KCNC4: variants seen among roughly 807,000 people sequenced by gnomAD.
KCNC4 encodes the protein voltage-gated potassium channel KCNC4.
Under a neutral mutation model 42.8 loss-of-function variants are expected in KCNC4, and 23 were observed. The ratio of observed to expected loss-of-function variants is 0.54; its 90% CI spans 0.39 to 0.76. The LOEUF is 0.76. Among genes scored for constraint, KCNC4 ranks in the 30% least tolerant of loss-of-function variants. KCNC4 has a pLI of 0.00. For synonymous variants in KCNC4, 422 were observed against 393.5 expected, an observed-to-expected ratio of 1.07 and a Z score of -0.86; for missense variants, 751 against 898.2, an observed-to-expected ratio of 0.84 and a Z score of 2.10.
chr1:110,224,672 C>T (rs1213717168), intron 2 of KCNC4: 1 of 152,228 alleles, frequency 6.6e-6, no homozygotes, highest in Non-Finnish European at 1.5e-5. Context: ...TGGGAAAGGC[C>T]ATCCCAAGAA....
intron 1 of KCNC4, among the ~76,000 whole-genome samples, chr1:110,214,522 C>A (rs2100987807): frequency 6.6e-6 from 1 of 152,310 alleles, no homozygotes; most frequent in Middle Eastern, 3.4e-3. Flanking sequence ...AGATACATTG[C>A]TGTATATACT....
At chr1:110,270,641 G>A (rs1235999701) in intron 1 of KCNC4, among the ~76,000 whole-genome samples, 1 of 152,178 alleles carries the variant, frequency 6.6e-6, no homozygotes, top group Non-Finnish European at 1.5e-5. Context: ...GAACAAACAG[G>A]TGCAAGGGAG....
intron 1 of KCNC4, among the ~76,000 whole-genome samples, chr1:110,217,351 C>T: frequency 6.6e-6 from 1 of 152,138 alleles, no homozygotes; most frequent in Non-Finnish European, 1.5e-5. Context: ...AGGATACTGA[C>T]TTAGTGCCTT....
At chr1:110,218,362 ACT>A (rs370944687) in intron 1 of KCNC4, among the ~76,000 whole-genome samples, 30 of 150,532 alleles carry the variant, frequency 2.0e-4, no homozygotes, top group African/African-American at 6.1e-4. Flanking sequence ...TCTGCCTCGA[ACT>A]CTCCGGTTCT....
intron 1 of KCNC4, among the ~76,000 whole-genome samples, chr1:110,217,721 T>A (rs1657874918): frequency 6.6e-6 from 1 of 152,100 alleles, no homozygotes. Flanking sequence ...TGGCTCAGCA[T>A]GGGGTGGGGG....
chr1:110,261,287 G>A (rs1659421443), intron 1 of KCNC4, among the ~76,000 whole-genome samples: 1 of 152,162 alleles, frequency 6.6e-6, no homozygotes. Flanking sequence ...AAAAATGGCT[G>A]AAATAAGACA....
chr1:110,249,983 G>A (rs1557870416), downstream of KCNC4, among the ~76,000 whole-genome samples: 1 of 152,114 alleles, frequency 6.6e-6, no homozygotes, highest in Non-Finnish European at 1.5e-5. Context: ...GGAATCATAC[G>A]TTTTCAAGTC....
intron 1 of KCNC4, among the ~76,000 whole-genome samples, chr1:110,282,033 T>TA (rs1347267769): frequency 1.3e-5 from 2 of 152,180 alleles, no homozygotes; most frequent in Admixed American, 6.5e-5. Context: ...CCCTGCACCC[T>TA]AGTGCCTAGG....
chr1:110,232,268 G>T, intron 3 of KCNC4: 1 of 1,613,898 alleles, frequency 6.2e-7, no homozygotes, highest in South Asian at 1.1e-5. Context: ...ACCTGAGGCT[G>T]CATGCCCTCC....
chr1:110,218,594 G>A (rs1056727236), intron 1 of KCNC4, among the ~76,000 whole-genome samples: 12 of 152,124 alleles, frequency 7.9e-5, no homozygotes, highest in African/African-American at 2.9e-4. Context: ...AGGTCCCGGG[G>A]CAAGGGTGGT....
chr1:110,233,010 A>C lies in KCNC4; in HGVS notation c.*38A>C. 1 of 1,599,572 alleles carries C rather than the reference A, an allele frequency of 6.3e-7. No homozygotes were observed. The highest frequency in any genetic ancestry group is 1.1e-5 in the South Asian group (1 of 88,308). On this transcript the variant is annotated 3_prime_UTR_variant, in exon 4 of 4. Coordinates refer to ENST00000438661, the MANE Select transcript of KCNC4 (RefSeq NM_001039574.3). Reference sequence around the variant, plus strand: ...GTGAGAGAGACAGGCAGACAGACAGAAAGCCAGAGGCTTAGGGAAACTCTG... The same window carrying C: ...GTGAGAGAGACAGGCAGACAGACAGCAAGCCAGAGGCTTAGGGAAACTCTG...
chr1:110,250,093 T>C (rs1659223924), downstream of KCNC4, among the ~76,000 whole-genome samples: 1 of 152,200 alleles, frequency 6.6e-6, no homozygotes, highest in Non-Finnish European at 1.5e-5. Context: ...TCACTCCTTT[T>C]CTCATGCCAA....
chr1:110,242,387 G>C (rs1659049196), exon 4 of KCNC4: 1 of 152,256 alleles, frequency 6.6e-6, no homozygotes, highest in African/African-American at 2.4e-5. Context: ...TGTGCTCTTG[G>C]ATGAAACTCC....
intron 3 of KCNC4, chr1:110,228,528 C>T (rs1658528201): frequency 1.3e-5 from 2 of 152,770 alleles, no homozygotes; most frequent in East Asian, 1.9e-4. Context: ...CTTTTCTTCA[C>T]CAAGGCTGTG....
downstream of KCNC4, chr1:110,237,794 A>G (rs972053722): frequency 6.6e-6 from 1 of 152,316 alleles, no homozygotes; most frequent in African/African-American, 2.4e-5. Flanking sequence ...CAGGGCAGAG[A>G]GACATCTGTG....
At chr1:110,231,375 A>C (rs548060187) in intron 3 of KCNC4, among the ~76,000 whole-genome samples, 24 of 152,126 alleles carry the variant, frequency 1.6e-4, no homozygotes, top group Non-Finnish European at 3.1e-4. Context: ...ATTCCTAGGA[A>C]GACCCCTCCC....
intron 1 of KCNC4, among the ~76,000 whole-genome samples, chr1:110,257,134 G>A (rs1659345456): frequency 6.6e-6 from 1 of 152,140 alleles, no homozygotes. Context: ...GTTATTTTTA[G>A]AAGAAAAACC....
At chr1:110,239,459 C>T (rs1241153731) in exon 4 of KCNC4, 1 of 152,236 alleles carries the variant, frequency 6.6e-6, no homozygotes, top group Non-Finnish European at 1.5e-5. Flanking sequence ...TGTCAGTTTC[C>T]ATCACTGCAG....
At chr1:110,277,416 A>G (rs1247520900) in intron 1 of KCNC4, among the ~76,000 whole-genome samples, 1 of 152,224 alleles carries the variant, frequency 6.6e-6, no homozygotes, top group Non-Finnish European at 1.5e-5. Context: ...GGTGAAATGG[A>G]CAGCCCACCA....
Sources: gnomAD v4.1 joint callset for allele counts (sites outside exome capture counted in the v4.1 genomes callset) on GRCh38, gnomAD v4.1.1 for gene constraint, MANE v1.5 for transcripts, NCBI Gene and HGNC (gene_info 2026-07-23, HGNC 2026-07-21) for gene names.